Variants in CUBN observed in about 807,000 individuals in gnomAD.
CUBN encodes the protein cubilin.
In CUBN, 282 loss-of-function variants were observed where a neutral mutation model predicts 405.3. The ratio of observed to expected loss-of-function variants is 0.70; its 90% CI spans 0.63 to 0.77. The LOEUF is 0.77. Among genes scored for constraint, CUBN ranks in the 30% least tolerant of loss-of-function variants. The probability of loss-of-function intolerance (pLI) is 0.00; values close to 1 mark genes in which losing one functional copy is unlikely to be tolerated. For missense variants in CUBN, 4,514 were observed against 4,475.2 expected (o/e 1.01, Z -0.25); for synonymous variants, 1,684 against 1,617.0 (o/e 1.04, Z -0.99).
At chr10:16,992,742 T>A (rs1459441297) in intron 28 of CUBN, among the ~76,000 whole-genome samples, 2 of 152,218 alleles carry the variant, frequency 1.3e-5, no homozygotes, top group Non-Finnish European at 2.9e-5. Flanking sequence ...TTTCAGACTT[T>A]AAATGTATTG....
intron 8 of CUBN, 42 bp from the exon 9 acceptor site, chr10:17,111,092 A>G (rs1052473277): frequency 6.2e-7 from 1 of 1,609,438 alleles, no homozygotes; most frequent in African/African-American, 1.3e-5. Flanking sequence ...TCTATAGACA[A>G]GTCAACAAGG....
At chr10:17,088,386 G>A in intron 14 of CUBN, 41 bp from the exon 15 acceptor site, 1 of 1,522,536 alleles carries the variant, frequency 6.6e-7, no homozygotes. Context: ...TTGTATAGAT[G>A]CTATAATTTA....
chr10:16,935,866 C>A (rs1472805052), intron 39 of CUBN, among the ~76,000 whole-genome samples: 1 of 111,362 alleles, frequency 9.0e-6, no homozygotes, highest in African/African-American at 3.8e-5. Context: ...GGCGACAGAG[C>A]GAGACTCCAT....
At chr10:16,931,118 G>A (rs1442185777) in intron 40 of CUBN, among the ~76,000 whole-genome samples, 1 of 151,436 alleles carries the variant, frequency 6.6e-6, no homozygotes, top group Non-Finnish European at 1.5e-5. Flanking sequence ...AAAAAAATTA[G>A]CTGAGTGCGG....
chr10:16,877,881 G>C (rs1588613412), intron 56 of CUBN, among the ~76,000 whole-genome samples: 1 of 152,138 alleles, frequency 6.6e-6, no homozygotes, highest in South Asian at 2.1e-4. Flanking sequence ...ATATTAACTT[G>C]GATCATACCT....
At chr10:16,914,020 T>A in intron 47 of CUBN, 28 bp from the exon 48 acceptor site, 1 of 1,611,826 alleles carries the variant, frequency 6.2e-7, no homozygotes, top group East Asian at 2.2e-5. Context: ...CCAAGAAAAC[T>A]TTCAATCAAA....
chr10:16,952,249 C>A, intron 33 of CUBN, 27 bp downstream of exon 33: 1 of 1,536,364 alleles, frequency 6.5e-7, no homozygotes, highest in South Asian at 1.1e-5. Flanking sequence ...TCCTGTGTGC[C>A]TTTTCTTTTT....
chr10:16,915,040 C>T lies in CUBN; in HGVS notation c.7343G>A (p.Ser2448Asn). The change falls in exon 47 of 67, where the codon AGT becomes AAT. Residue 2448 changes from serine (S) to asparagine (N), a missense_variant. By Grantham distance (46) the Ser-to-Asn change is conservative (BLOSUM62 1). This residue lies in a region of CUBN where 1,613 missense variants were observed against 1,542.8 expected (regional missense o/e 1.05). Coordinates refer to ENST00000377833, the MANE Select transcript of CUBN (RefSeq NM_001081.4). ...ASGFRLRFESSMEECGGDLQG... is the reference protein window; with the variant it reads ...ASGFRLRFESNMEECGGDLQG... The stretch of plus-strand genomic sequence containing the variant: ...TGAATCAATGAACTCACCTTCCATA[C>T]TGGATTCAAATCGCAGTCTGAATCC... 1.2e-6 allele frequency: 2 copies of T among 1,613,910 alleles called. No homozygotes were observed. Among genetic ancestry groups the T allele is most frequent in the Non-Finnish European group, 1.7e-6 (2 of 1,179,958 alleles).
chr10:17,070,380 C>T (rs1012560231), intron 19 of CUBN, among the ~76,000 whole-genome samples: 5 of 152,042 alleles, frequency 3.3e-5, no homozygotes, highest in Admixed American at 3.3e-4. Context: ...ATTTTACGAT[C>T]AGCTTATGTA....
intron 27 of CUBN, among the ~76,000 whole-genome samples, chr10:17,028,582 G>T (rs530297855): frequency 6.6e-6 from 1 of 151,816 alleles, no homozygotes; most frequent in Non-Finnish European, 1.5e-5. Context: ...TTCGCCAGGC[G>T]TGGTGGTGGG....
At chr10:16,969,303 A>G (rs1386248535) in intron 31 of CUBN, among the ~76,000 whole-genome samples, 2 of 152,180 alleles carry the variant, frequency 1.3e-5, no homozygotes. Context: ...CTTTGGCGAT[A>G]TAAAGACTAC....
intron 14 of CUBN, among the ~76,000 whole-genome samples, chr10:17,093,418 G>A (rs906521797): frequency 7.2e-5 from 11 of 152,140 alleles, no homozygotes; most frequent in Admixed American, 3.9e-4. Flanking sequence ...GAATTGAAAC[G>A]TGAGAAAAGT....
At chr10:16,980,781 GTATACC>G (rs756366724) in intron 31 of CUBN, among the ~76,000 whole-genome samples, 47 of 151,852 alleles carry the variant, frequency 3.1e-4, no homozygotes, top group Non-Finnish European at 6.0e-4. Context: ...CATGGCACGT[GTATACC>G]TATATAACAA....
At chr10:16,927,217 A>G (rs1356438494) in intron 41 of CUBN, among the ~76,000 whole-genome samples, 1 of 152,116 alleles carries the variant, frequency 6.6e-6, no homozygotes, top group Non-Finnish European at 1.5e-5. Flanking sequence ...ATAGTAATAT[A>G]TACATGAGAG....
chr10:16,914,988 A>C (rs1841842925), intron 47 of CUBN, 44 bp downstream of exon 47: 3 of 1,514,822 alleles, frequency 2.0e-6, no homozygotes, highest in Non-Finnish European at 2.7e-6. Flanking sequence ...GTGTCTGTCC[A>C]ATGCAGGTGC....
chr10:17,102,945 T>C (rs1313404781), intron 13 of CUBN, among the ~76,000 whole-genome samples, 180 bp downstream of exon 13: 1 of 152,040 alleles, frequency 6.6e-6, no homozygotes, highest in African/African-American at 2.4e-5. Context: ...ACAATTAATG[T>C]AAGGTTATGA....
chr10:16,917,003 AG>A (rs1393242776), intron 45 of CUBN, among the ~76,000 whole-genome samples: 1 of 151,772 alleles, frequency 6.6e-6, no homozygotes, highest in East Asian at 1.9e-4. Flanking sequence ...TAGTGGAGAC[AG>A]GGTTTCACCA....
intron 22 of CUBN, among the ~76,000 whole-genome samples, chr10:17,061,912 TCTGA>T (rs1373457660): frequency 6.6e-6 from 1 of 152,210 alleles, no homozygotes; most frequent in Non-Finnish European, 1.5e-5. Context: ...AGTTGTTTAG[TCTGA>T]CTTTCAAACC....
chr10:17,109,081 T>G (rs929700225), intron 10 of CUBN, among the ~76,000 whole-genome samples: 3 of 152,234 alleles, frequency 2.0e-5, no homozygotes, highest in African/African-American at 7.2e-5. Flanking sequence ...TTTTATACAC[T>G]GTCGGTGAAT....
Sources: gnomAD v4.1 joint callset for allele counts (sites outside exome capture counted in the v4.1 genomes callset) on GRCh38, gnomAD v4.1.1 for gene constraint, gnomAD v4.1.1 regional missense constraint, MANE v1.5 for transcripts, NCBI Gene and HGNC (gene_info 2026-07-23, HGNC 2026-07-21) for gene names.